NEK7: variants seen among roughly 807,000 people sequenced by gnomAD.
NEK7 encodes serine/threonine-protein kinase Nek7.
NEK7 carries 18 observed loss-of-function variants against 44.6 expected under a neutral mutation model. The observed-to-expected ratio is 0.40, with a 90% confidence interval of 0.28 to 0.60. The LOEUF is 0.60. Ranked by LOEUF, NEK7 falls within the 20% of genes least tolerant of loss-of-function variation. The pLI is 0.38. For missense variants in NEK7, 256 were observed against 366.5 expected, an observed-to-expected ratio of 0.70 and a Z score of 2.46; for synonymous variants, 130 against 121.1, an observed-to-expected ratio of 1.07 and a Z score of -0.48.
At chr1:198,189,702 CTTAAAG>C (rs1665019560) in intron 1 of NEK7, among the ~76,000 whole-genome samples, 1 of 152,078 alleles carries the variant, frequency 6.6e-6, no homozygotes, top group African/African-American at 2.4e-5. Flanking sequence ...GGACAAACAG[CTTAAAG>C]TTATTTTATT....
intron 2 of NEK7, among the ~76,000 whole-genome samples, chr1:198,248,207 T>G (rs1362734612): frequency 2.6e-5 from 4 of 152,198 alleles, no homozygotes; most frequent in Non-Finnish European, 5.9e-5. Context: ...TAGGCTTTTT[T>G]TGTTATATTT....
At chr1:198,193,124 A>G (rs977786383) in intron 1 of NEK7, among the ~76,000 whole-genome samples, 3 of 152,090 alleles carry the variant, frequency 2.0e-5, no homozygotes, top group Non-Finnish European at 4.4e-5. Flanking sequence ...AATAAGGGGA[A>G]TATCACCACT....
intron 1 of NEK7, among the ~76,000 whole-genome samples, chr1:198,207,567 T>G (rs1665634604): frequency 1.3e-5 from 2 of 152,140 alleles, no homozygotes; most frequent in Admixed American, 1.3e-4. Context: ...GAATCTGAAA[T>G]GCACCATGCT....
intron 9 of NEK7, among the ~76,000 whole-genome samples, chr1:198,310,129 T>C (rs999925270): frequency 6.6e-6 from 1 of 152,160 alleles, no homozygotes; most frequent in African/African-American, 2.4e-5. Context: ...TTTTAATGAT[T>C]GCCATTCTAA....
At chr1:198,276,767 G>T (rs1654029582) in intron 5 of NEK7, among the ~76,000 whole-genome samples, 2 of 151,536 alleles carry the variant, frequency 1.3e-5, no homozygotes, top group Non-Finnish European at 3.0e-5. Flanking sequence ...TTATCTTTTG[G>T]TACATACCTT....
intron 1 of NEK7, among the ~76,000 whole-genome samples, chr1:198,201,117 C>G (rs1274837482): frequency 2.6e-5 from 4 of 151,948 alleles, no homozygotes; most frequent in Admixed American, 1.3e-4. Context: ...TGCTTAATTT[C>G]TACTTTTGTT....
At chr1:198,162,249 C>A (rs1323934106) in intron 1 of NEK7, among the ~76,000 whole-genome samples, 1 of 152,164 alleles carries the variant, frequency 6.6e-6, no homozygotes, top group Non-Finnish European at 1.5e-5. Flanking sequence ...TTTGTGTGTG[C>A]TGGACTTTTG....
At chr1:198,268,827 G>A (rs1333225654) in intron 5 of NEK7, among the ~76,000 whole-genome samples, 2 of 152,066 alleles carry the variant, frequency 1.3e-5, no homozygotes, top group African/African-American at 4.8e-5. Flanking sequence ...ATTTGCTATG[G>A]AATCTGACTC....
intron 1 of NEK7, among the ~76,000 whole-genome samples, chr1:198,210,791 C>T (rs1247949713): frequency 9.8e-5 from 11 of 112,342 alleles, no homozygotes; most frequent in East Asian, 8.2e-4. Context: ...CTCGCTCTGT[C>T]GCCCAGGCTG....
chr1:198,157,598 G>T (rs1233152002), intron 1 of NEK7, among the ~76,000 whole-genome samples: 1 of 152,260 alleles, frequency 6.6e-6, no homozygotes, highest in African/African-American at 2.4e-5. Flanking sequence ...TTTGGTTTCG[G>T]GACCCGAGGA....
Position 198,228,256 on chromosome 1 carries a change from T to C in NEK7, c.-28-4297T>C, listed in dbSNP as rs562469405. Reference sequence around the variant, plus strand: ...CTGTTTTGGTACCAGTACCATGCTGTTTTGGTTACTGTAGCCTTGTAGTAT... The same window carrying C: ...CTGTTTTGGTACCAGTACCATGCTGCTTTGGTTACTGTAGCCTTGTAGTAT... On this transcript the variant is annotated intron_variant, in intron 1 of 9. Coordinates refer to ENST00000367385, the MANE Select transcript of NEK7 (RefSeq NM_133494.3). 4.9e-3 allele frequency among the ~76,000 whole-genome samples: 747 copies of C among 152,260 alleles called. 7 individuals are homozygous for C. The highest frequency in any genetic ancestry group is 6.8e-3 in the Non-Finnish European group (463 of 68,008).
At chr1:198,221,774 G>A (rs1483609637) in intron 1 of NEK7, among the ~76,000 whole-genome samples, 1 of 151,842 alleles carries the variant, frequency 6.6e-6, no homozygotes, top group Non-Finnish European at 1.5e-5. Flanking sequence ...AGGGAAAAGT[G>A]TATACTTAGC....
chr1:198,198,274 A>G, intron 1 of NEK7: 1 of 499,554 alleles, frequency 2.0e-6, no homozygotes. Flanking sequence ...GGAACCCCCC[A>G]TGTGACCACA....
chr1:198,306,302 A>G (rs1385977754), intron 9 of NEK7, among the ~76,000 whole-genome samples: 2 of 152,174 alleles, frequency 1.3e-5, no homozygotes, highest in Non-Finnish European at 2.9e-5. Context: ...GAAAATGTTC[A>G]GGGGACTATA....
intron 2 of NEK7, among the ~76,000 whole-genome samples, chr1:198,247,695 TACAATA>T (rs1294982049): frequency 6.6e-6 from 1 of 152,104 alleles, no homozygotes; most frequent in Admixed American, 6.6e-5. Context: ...GAAAACAATG[TACAATA>T]ACAAATTATT....
chr1:198,259,564 A>T (rs892743140), intron 3 of NEK7, among the ~76,000 whole-genome samples: 13 of 150,124 alleles, frequency 8.7e-5, no homozygotes, highest in African/African-American at 3.3e-4. Context: ...ATCAGCATTT[A>T]TGATGTGTCA....
At chr1:198,217,675 T>C (rs527734525) in intron 1 of NEK7, among the ~76,000 whole-genome samples, 1 of 152,126 alleles carries the variant, frequency 6.6e-6, no homozygotes, top group South Asian at 2.1e-4. Context: ...TATGATCTTA[T>C]ACCTAGAAAA....
At chr1:198,160,185 C>G (rs145086835) in intron 1 of NEK7, among the ~76,000 whole-genome samples, 1 of 152,066 alleles carries the variant, frequency 6.6e-6, no homozygotes, top group Non-Finnish European at 1.5e-5. Context: ...TTACAAATGT[C>G]GCCACCATTC....
intron 1 of NEK7, among the ~76,000 whole-genome samples, chr1:198,225,722 C>T (rs183736184): frequency 6.6e-6 from 1 of 152,282 alleles, no homozygotes; most frequent in East Asian, 1.9e-4. Context: ...GTGGTGTGTA[C>T]TATACTTTTT....
Sources: gnomAD v4.1 joint callset for allele counts (sites outside exome capture counted in the v4.1 genomes callset) on GRCh38, gnomAD v4.1.1 for gene constraint, MANE v1.5 for transcripts, NCBI Gene and HGNC (gene_info 2026-07-23, HGNC 2026-07-21) for gene names.